PIK3CA: variants seen among roughly 807,000 people sequenced by gnomAD.
PIK3CA encodes the protein phosphatidylinositol-4,5-bisphosphate 3-kinase catalytic subunit alpha.
In PIK3CA, 27 loss-of-function variants were observed where a neutral mutation model predicts 138.2. The ratio of observed to expected loss-of-function variants is 0.20; its 90% CI spans 0.14 to 0.27. The LOEUF (loss-of-function observed/expected upper bound fraction) is 0.27. PIK3CA is among the 10% of genes least tolerant of loss of function. The probability of loss-of-function intolerance (pLI) is 1.00; values close to 1 mark genes in which losing one functional copy is unlikely to be tolerated. For synonymous variants in PIK3CA, 358 were observed against 413.2 expected, an observed-to-expected ratio of 0.87 and a Z score of 1.62; for missense variants, 544 against 1,277.4, an observed-to-expected ratio of 0.43 and a Z score of 8.75.
intron 1 of PIK3CA, among the ~76,000 whole-genome samples, chr3:179,162,489 G>A (rs1396497668): frequency 1.3e-5 from 2 of 151,988 alleles, no homozygotes; most frequent in Non-Finnish European, 2.9e-5. Context: ...GGGATTACAT[G>A]CCTAAGTTAG....
At chr3:179,170,078 A>T (rs768909599) in intron 1 of PIK3CA, among the ~76,000 whole-genome samples, 1 of 121,540 alleles carries the variant, frequency 8.2e-6, no homozygotes, top group Admixed American at 7.8e-5. Context: ...GCGCGCGCGC[A>T]CACACACACA....
chr3:179,195,171 A>G (rs1724235221), intron 1 of PIK3CA, among the ~76,000 whole-genome samples: 1 of 151,734 alleles, frequency 6.6e-6, no homozygotes, highest in African/African-American at 2.4e-5. Flanking sequence ...GTACTCTTCC[A>G]GGCTTGTGTG....
intron 17 of PIK3CA, among the ~76,000 whole-genome samples, chr3:179,226,678 A>T (rs1276326486): frequency 6.6e-6 from 1 of 152,126 alleles, no homozygotes; most frequent in East Asian, 1.9e-4. Flanking sequence ...AACAGGGTAC[A>T]TTTAGTAGGA....
At chr3:179,210,128 G>A (rs919257698) in intron 7 of PIK3CA, 58 bp from the exon 8 acceptor site, 1 of 1,303,420 alleles carries the variant, frequency 7.7e-7, no homozygotes, top group Non-Finnish European at 1.1e-6. Context: ...GGGAAGAAAA[G>A]TGTTTTGAAA....
At chr3:179,217,045 G>A (rs776419628) in intron 9 of PIK3CA, among the ~76,000 whole-genome samples, 58 of 152,084 alleles carry the variant, frequency 3.8e-4, no homozygotes, top group Middle Eastern at 3.4e-3. Context: ...ATTTTACGTG[G>A]TCTGAATTCA....
At chr3:179,186,603 A>C (rs1042596044) in intron 1 of PIK3CA, among the ~76,000 whole-genome samples, 2 of 152,186 alleles carry the variant, frequency 1.3e-5, no homozygotes, top group Non-Finnish European at 2.9e-5. Context: ...TTTCTTCCTG[A>C]AGTATGTGGG....
intron 1 of PIK3CA, among the ~76,000 whole-genome samples, chr3:179,195,209 A>G (rs991218545): frequency 4.6e-5 from 7 of 150,680 alleles, no homozygotes; most frequent in Non-Finnish European, 8.8e-5. Flanking sequence ...AGGTATTAGC[A>G]CTTGAAATCT....
In PIK3CA at chr3:179,236,306, G is replaced by A. The variant is rs1189386565; in HGVS notation, c.*1942G>A. The stretch of plus-strand genomic sequence containing the variant: ...AACTTACTTCTGCAAACTGTCTTGC[G>A]ATAGTTAAGCAGAATTTAAACTCTG... On this transcript the variant is annotated 3_prime_UTR_variant, in exon 21 of 21. Coordinates refer to ENST00000263967, the MANE Select transcript of PIK3CA (RefSeq NM_006218.4). 8.1e-5 allele frequency: 17 copies of A among 208,744 alleles called. No individual in the cohort carries two copies. Among genetic ancestry groups the A allele is most frequent in the Non-Finnish European group, 1.6e-4 (16 of 102,642 alleles). 12.9% of individuals were successfully genotyped at this position (208,744 alleles called of 1,614,324 possible).
chr3:179,191,647 G>C (rs956303926), intron 1 of PIK3CA, among the ~76,000 whole-genome samples: 4 of 151,304 alleles, frequency 2.6e-5, no homozygotes, highest in African/African-American at 4.9e-5. Context: ...GTTTTGTTTT[G>C]TTTTTTGAGA....
At chr3:179,169,168 C>CTTTAA (rs1723489885) in intron 1 of PIK3CA, 1 of 152,152 alleles carries the variant, frequency 6.6e-6, no homozygotes, top group South Asian at 2.1e-4. Flanking sequence ...ACTGTTAAGA[C>CTTTAA]CTCTTGGTTT....
chr3:179,159,274 C>T (rs1723216838), intron 1 of PIK3CA, among the ~76,000 whole-genome samples: 2 of 152,100 alleles, frequency 1.3e-5, no homozygotes, highest in South Asian at 4.1e-4. Flanking sequence ...TTGGATTGCC[C>T]TGGGGCTGAC....
intron 1 of PIK3CA, among the ~76,000 whole-genome samples, chr3:179,190,904 A>ACTGT (rs1375721421): frequency 6.6e-6 from 1 of 152,210 alleles, no homozygotes; most frequent in East Asian, 1.9e-4. Flanking sequence ...TGAGGGGAAG[A>ACTGT]ACTGTACTGT....
rs115002330 is a variant in PIK3CA at position 179,175,813 on chromosome 3, A to T, written c.-76-22937A>T. ...TTTCTTTGACATTTTCCTCTGTCCCATCATTCTCTGTTTCTCACCACTTCT... is the reference window on the plus strand; with the variant it reads ...TTTCTTTGACATTTTCCTCTGTCCCTTCATTCTCTGTTTCTCACCACTTCT... On this transcript the variant is annotated intron_variant, in intron 1 of 20. Transcript: ENST00000263967. Among the ~76,000 whole-genome samples the T allele has an allele frequency of 4.6e-3, 691 of 151,258 alleles. 5 individuals are homozygous for T. The highest frequency in any genetic ancestry group is 0.016 in the African/African-American group (667 of 41,160).
chr3:179,194,874 T>G lies in PIK3CA; in HGVS notation c.-76-3876T>G, dbSNP rs190216992. 1.1e-3 allele frequency among the ~76,000 whole-genome samples: 175 copies of G among 152,288 alleles called. 1 individual carries two copies. Among genetic ancestry groups the G allele is most frequent in the Admixed American group, 7.2e-4 (11 of 15,300 alleles). On this transcript the variant is annotated intron_variant, in intron 1 of 20. Coordinates refer to ENST00000263967, the MANE Select transcript of PIK3CA (RefSeq NM_006218.4). ...AGGCTTTTCCATTGTTCATATTCTGTCTTGTAACAGTTATCACATTGTTAA... is the reference window on the plus strand; with the variant it reads ...AGGCTTTTCCATTGTTCATATTCTGGCTTGTAACAGTTATCACATTGTTAA...
intron 9 of PIK3CA, among the ~76,000 whole-genome samples, chr3:179,215,277 T>C (rs1187596926): frequency 6.6e-6 from 1 of 152,228 alleles, no homozygotes; most frequent in East Asian, 1.9e-4. Context: ...CAGTTCTCTT[T>C]GTAAGAATTG....
At chr3:179,226,113 C>A in intron 17 of PIK3CA, 73 bp downstream of exon 17, 1 of 761,248 alleles carries the variant, frequency 1.3e-6, no homozygotes, top group Non-Finnish European at 2.3e-6. Flanking sequence ...ATTATAGAAG[C>A]ATATAGAGGC....
At chr3:179,178,592 AAACAT>A (rs1172141208) in intron 1 of PIK3CA, among the ~76,000 whole-genome samples, 2 of 152,196 alleles carry the variant, frequency 1.3e-5, no homozygotes, top group Non-Finnish European at 2.9e-5. Flanking sequence ...TTATAAAGTT[AAACAT>A]AACATTTACC....
At position 179,230,061 on chromosome 3, in the gene PIK3CA, C is replaced by T. The variant is rs1197527173; in HGVS notation, c.2724C>T (p.Thr908=). The part of the protein sequence containing the change: ...TRSCAGYCVA[T]FILGIGDRHN... Reference sequence around the variant, plus strand: ...CATGTGCTGGATACTGTGTAGCTACCTTCATTTTGGGAATTGGAGATCGTC... The same window carrying T: ...CATGTGCTGGATACTGTGTAGCTACTTTCATTTTGGGAATTGGAGATCGTC... Residue 908 remains threonine (T), a synonymous_variant, in exon 19 of 21, where the codon ACC becomes ACT. Transcript: ENST00000263967. This position sits in a 1 kb window ranked among gnomAD's most constrained non-coding sequence, Gnocchi z 5.4. 9.3e-6 allele frequency: 15 copies of T among 1,613,352 alleles called. No individual in the cohort carries two copies. The highest frequency in any genetic ancestry group is 1.3e-5 in the Non-Finnish European group (15 of 1,179,636).
intron 1 of PIK3CA, among the ~76,000 whole-genome samples, chr3:179,173,544 A>T (rs868628690): frequency 6.6e-6 from 1 of 151,320 alleles, no homozygotes; most frequent in East Asian, 2.0e-4. Flanking sequence ...GTGCCACTGC[A>T]CTCCAGCCTG....
Sources: gnomAD v4.1 joint callset for allele counts (sites outside exome capture counted in the v4.1 genomes callset) on GRCh38, gnomAD v4.1.1 for gene constraint, Gnocchi (gnomAD v3.1) non-coding constraint, MANE v1.5 for transcripts, NCBI Gene and HGNC (gene_info 2026-07-23, HGNC 2026-07-21) for gene names.